RNF38: variants seen among roughly 807,000 people sequenced by gnomAD.
RNF38 encodes ring finger protein 38.
Under a neutral mutation model 67.2 loss-of-function variants are expected in RNF38, and 15 were observed. The observed-to-expected ratio is 0.22, with a 90% CI of 0.15 to 0.34. The LOEUF (loss-of-function observed/expected upper bound fraction) is 0.34. Among genes scored for constraint, RNF38 ranks in the 10% least tolerant of loss-of-function variants. The pLI, the probability that RNF38 is intolerant of heterozygous loss-of-function variation, is 1.00. For missense variants in RNF38, 524 were observed against 639.9 expected (o/e 0.82, Z 1.95); for synonymous variants, 220 against 218.8 (o/e 1.01, Z -0.05).
chr9:36,464,024 G>A (rs7873629), intron 1 of RNF38, among the ~76,000 whole-genome samples: 7,594 of 151,664 alleles, frequency 0.05, 587 homozygotes, highest in African/African-American at 0.17. Flanking sequence ...AAAATTAGCC[G>A]GGCGTGGTGG....
At chr9:36,460,194 G>A (rs1469942080) in intron 1 of RNF38, among the ~76,000 whole-genome samples, 1 of 152,136 alleles carries the variant, frequency 6.6e-6, no homozygotes, top group African/African-American at 2.4e-5. Flanking sequence ...ACAAGACGTT[G>A]AGGATTAAAA....
At chr9:36,416,106 G>C (rs1285368068) in intron 2 of RNF38, among the ~76,000 whole-genome samples, 1 of 147,876 alleles carries the variant, frequency 6.8e-6, no homozygotes, top group Non-Finnish European at 1.5e-5. Context: ...CTACCAGGGC[G>C]GAAAAAGACC....
intron 9 of RNF38, 140 bp downstream of exon 9, chr9:36,350,975 T>G (rs979212269): frequency 3.0e-6 from 2 of 656,406 alleles, no homozygotes; most frequent in Non-Finnish European, 5.3e-6. Flanking sequence ...GTATCTTATG[T>G]GTGGCCCAAC....
intron 1 of RNF38, among the ~76,000 whole-genome samples, chr9:36,465,264 G>T (rs1370973930): frequency 6.6e-6 from 1 of 152,352 alleles, no homozygotes; most frequent in East Asian, 1.9e-4. Context: ...CTACATAGGG[G>T]TGGGTTCGTG....
intron 1 of RNF38, among the ~76,000 whole-genome samples, chr9:36,443,441 T>C (rs1452658446): frequency 6.6e-6 from 1 of 152,206 alleles, no homozygotes; most frequent in East Asian, 1.9e-4. Context: ...AAAATATCAA[T>C]GCTATATATT....
chr9:36,477,559 C>T (rs1440679114), intron 1 of RNF38, among the ~76,000 whole-genome samples: 1 of 151,892 alleles, frequency 6.6e-6, no homozygotes, highest in African/African-American at 2.4e-5. Flanking sequence ...CTGTGGCTCA[C>T]ACCTGTAATC....
intron 1 of RNF38, among the ~76,000 whole-genome samples, chr9:36,464,335 A>C (rs1366116983): frequency 6.6e-6 from 1 of 151,146 alleles, no homozygotes; most frequent in East Asian, 2.0e-4. Flanking sequence ...TTAGGAGGCC[A>C]AGGCAGGCGG....
upstream of RNF38, chr9:36,487,583 C>A: frequency 3.1e-6 from 3 of 980,758 alleles, no homozygotes; most frequent in Non-Finnish European, 3.6e-6. Flanking sequence ...AGCAGCGGCT[C>A]CGGCTGCGAC....
At chr9:36,413,434 C>T (rs1238789204) in intron 2 of RNF38, among the ~76,000 whole-genome samples, 1 of 152,116 alleles carries the variant, frequency 6.6e-6, no homozygotes, top group Middle Eastern at 3.2e-3. Context: ...TTCTTTATAG[C>T]AACACAAGAA....
At chr9:36,349,170 T>TA (rs1833518551) in intron 9 of RNF38, among the ~76,000 whole-genome samples, 1 of 152,226 alleles carries the variant, frequency 6.6e-6, no homozygotes, top group South Asian at 2.1e-4. Flanking sequence ...TTCAAAATAT[T>TA]ACTGCTCAAG....
intron 4 of RNF38, 48 bp from the exon 5 acceptor site, chr9:36,357,990 T>C (rs769970561): frequency 2.6e-6 from 4 of 1,513,854 alleles, no homozygotes; most frequent in Admixed American, 3.5e-5. Context: ...TTAGATAAAA[T>C]GTTAACTATT....
chr9:36,408,132 C>T (rs1428242691), intron 2 of RNF38, among the ~76,000 whole-genome samples: 3 of 151,970 alleles, frequency 2.0e-5, no homozygotes, highest in Non-Finnish European at 2.9e-5. Context: ...TTTTTTGAAA[C>T]CTGTCACCCA....
intron 2 of RNF38, among the ~76,000 whole-genome samples, chr9:36,409,434 T>C (rs1159416588): frequency 6.6e-6 from 1 of 152,184 alleles, no homozygotes. Context: ...GAGAAGTCGC[T>C]GAAAACAGAC....
At chr9:36,396,848 C>T (rs1019559483) in intron 1 of RNF38, among the ~76,000 whole-genome samples, 4 of 151,522 alleles carry the variant, frequency 2.6e-5, no homozygotes, top group African/African-American at 9.7e-5. Context: ...GTAGAACTGA[C>T]CCTCTGAGAT....
intron 1 of RNF38, among the ~76,000 whole-genome samples, chr9:36,486,778 C>G (rs1471567673): frequency 1.3e-5 from 2 of 152,128 alleles, no homozygotes; most frequent in African/African-American, 4.8e-5. Context: ...AAGTCGGCCC[C>G]CTGCTCTTCC....
upstream of RNF38, among the ~76,000 whole-genome samples, chr9:36,402,337 GTTTT>G (rs11414815): frequency 2.0e-5 from 3 of 151,814 alleles, no homozygotes; most frequent in East Asian, 5.8e-4. Context: ...ATCTAAACTT[GTTTT>G]TTTTGTTTGT....
chr9:36,344,707 A>T, intron 10 of RNF38, 125 bp downstream of exon 10: 2 of 833,284 alleles, frequency 2.4e-6, no homozygotes, highest in Non-Finnish European at 3.7e-6. Context: ...GTTATCTCTG[A>T]CTCCTAAGCA....
At chr9:36,390,406 T>G (rs918486452) in intron 2 of RNF38, 61 bp downstream of exon 2, 3 of 1,443,818 alleles carry the variant, frequency 2.1e-6, no homozygotes, top group African/African-American at 2.9e-5. Context: ...CAAGCCTTCC[T>G]AGAAACACTG....
At chr9:36,341,480 C>T (rs1221005303) in intron 11 of RNF38, among the ~76,000 whole-genome samples, 1 of 152,106 alleles carries the variant, frequency 6.6e-6, no homozygotes, top group Admixed American at 6.5e-5. Flanking sequence ...GGAGCCACTG[C>T]ACCCAGCCTA....
Sources: allele counts gnomAD v4.1 joint callset (sites outside exome capture counted in the v4.1 genomes callset), GRCh38; gene constraint gnomAD v4.1.1; transcripts MANE v1.5; gene names NCBI Gene and HGNC (gene_info 2026-07-23, HGNC 2026-07-21).